Variants in ATP1B1 observed in about 807,000 individuals in gnomAD.
The protein encoded by ATP1B1 is sodium/potassium-transporting ATPase subunit beta-1.
In ATP1B1, 3 loss-of-function variants were observed where a neutral mutation model predicts 39.6. The observed-to-expected ratio is 0.08, with a 90% confidence interval of 0.03 to 0.20. The LOEUF is 0.20. ATP1B1 is among the 10% of genes least tolerant of loss of function. ATP1B1 has a pLI of 1.00. For missense variants in ATP1B1, 216 were observed against 371.1 expected (o/e 0.58, Z 3.43); for synonymous variants, 139 against 135.0 (o/e 1.03, Z -0.20).
rs548912849 is a variant in ATP1B1 at position 169,112,230 on chromosome 1, C to A, written c.226+732C>A. 3.3e-5 allele frequency among the ~76,000 whole-genome samples: 5 copies of A among 152,370 alleles called. 1 individual carries two copies. Among genetic ancestry groups the A allele is most frequent in the South Asian group, 2.1e-4 (1 of 4,834 alleles). Reference sequence around the variant, plus strand: ...TTATCATAAGAAATGCAAACTGCCACACGAGTCCCTGCTGTGACTTGGGTG... The same window carrying A: ...TTATCATAAGAAATGCAAACTGCCAAACGAGTCCCTGCTGTGACTTGGGTG... On this transcript the variant is annotated intron_variant, in intron 2 of 5. Transcript: ENST00000367815.
At position 169,125,017 on chromosome 1, in the gene ATP1B1, C is replaced by T. The variant is rs932264213; in HGVS notation, c.360C>T (p.Asp120=). 1 of 1,612,718 alleles carries T rather than the reference C, an allele frequency of 6.2e-7. No individual in the cohort carries two copies. The highest frequency in any genetic ancestry group is 1.7e-5 in the Admixed American group (1 of 59,610). The change falls in exon 3 of 6, where the codon GAC becomes GAT. Residue 120 remains aspartate, a synonymous_variant. Coordinates refer to ENST00000367815, the MANE Select transcript of ATP1B1 (RefSeq NM_001677.4). ...EKYKDSAQRD[D]MIFEDCGDVP... ...ACAAAGATTCAGCCCAGAGGGATGACATGATTTTTGAAGATTGTGGCGGTA... is the reference window on the plus strand; with the variant it reads ...ACAAAGATTCAGCCCAGAGGGATGATATGATTTTTGAAGATTGTGGCGGTA...
At chr1:169,123,995 T>TA (rs1491349258) in intron 2 of ATP1B1, among the ~76,000 whole-genome samples, 2 of 152,188 alleles carry the variant, frequency 1.3e-5, no homozygotes, top group Non-Finnish European at 2.9e-5. Context: ...TATATTTTTT[T>TA]AAAAAAATGT....
At chr1:169,130,165 T>G in intron 5 of ATP1B1, 75 bp downstream of exon 5, 1 of 1,261,396 alleles carries the variant, frequency 7.9e-7, no homozygotes, top group South Asian at 1.3e-5. Flanking sequence ...GAAGACTGTT[T>G]AAGTGACAGG....
intron 5 of ATP1B1, 54 bp downstream of exon 5, chr1:169,130,144 G>A (rs1658175386): frequency 6.8e-6 from 10 of 1,480,632 alleles, no homozygotes; most frequent in Non-Finnish European, 9.4e-6. Flanking sequence ...AGAGGAAGAG[G>A]GGAGAATGAA....
intron 2 of ATP1B1, 49 bp from the exon 3 acceptor site, chr1:169,124,835 G>A: frequency 1.3e-6 from 2 of 1,583,494 alleles, no homozygotes; most frequent in Non-Finnish European, 8.6e-7. Flanking sequence ...CTTTTGAATT[G>A]TCTTCGTTTC....
intron 4 of ATP1B1, among the ~76,000 whole-genome samples, chr1:169,129,182 G>A (rs1264972836): frequency 6.6e-6 from 1 of 152,160 alleles, no homozygotes; most frequent in Non-Finnish European, 1.5e-5. Flanking sequence ...CCTTCCTGAT[G>A]TGGAACTAAT....
rs1658244332 is a variant in ATP1B1, at chr1:169,132,130, T to TTTA, written c.*578_*580dup. 1.8e-6 allele frequency: 1 copy of TTTA among 558,640 alleles called. No individual in the cohort carries two copies. The highest frequency in any genetic ancestry group is 3.5e-6 in the Non-Finnish European group (1 of 287,244). The allele number at this position is 558,640 out of a possible 1,614,324, so 34.6% of individuals were successfully genotyped here. A position where few individuals can be genotyped will look rare whatever the true frequency, so the allele number is the denominator to read the frequency against. On this transcript the variant is annotated 3_prime_UTR_variant, in exon 6 of 6. Transcript: ENST00000367815. ...TTTCCTGTGGTGTTAGGTCTTTATTTTTATTTTTTTCCTGGGGGCTGGGGT... is the reference window on the plus strand; with the variant it reads ...TTTCCTGTGGTGTTAGGTCTTTATTTTTATTATTTTTTTCCTGGGGGCTGGGGT...
At chr1:169,110,232 T>G (rs1392332807) in intron 1 of ATP1B1, among the ~76,000 whole-genome samples, 1 of 152,154 alleles carries the variant, frequency 6.6e-6, no homozygotes, top group Non-Finnish European at 1.5e-5. Flanking sequence ...CCTGCAGTTG[T>G]GTACCCACTC....
chr1:169,131,860 G>T lies in ATP1B1; in HGVS notation c.*305G>T. The T allele has an allele frequency of 2.6e-6, 1 of 383,762 alleles. No individual in the cohort carries two copies. 23.8% of individuals were successfully genotyped at this position (383,762 alleles called of 1,614,324 possible). On this transcript the variant is annotated 3_prime_UTR_variant, in exon 6 of 6. Coordinates refer to ENST00000367815, the MANE Select transcript of ATP1B1 (RefSeq NM_001677.4). The surrounding 1 kb of genome is among the most constrained non-coding windows in gnomAD (Gnocchi z 4.4). ...AGTAAGCAGTGTTTCTGGCCCCTAA[G>T]TATTGCTGCCTTGTGTATTTTATTT... is the stretch of plus-strand genomic sequence containing the variant.
intron 2 of ATP1B1, among the ~76,000 whole-genome samples, chr1:169,122,796 G>T (rs181090038): frequency 8.1e-6 from 1 of 123,092 alleles, no homozygotes; most frequent in Non-Finnish European, 1.6e-5. Context: ...TTGCTAGGTT[G>T]CCTGGGCTGG....
chr1:169,124,801 T>C, intron 2 of ATP1B1, 83 bp from the exon 3 acceptor site: 1 of 1,481,296 alleles, frequency 6.8e-7, no homozygotes, highest in Non-Finnish European at 9.2e-7. Flanking sequence ...GTTAGCAAAG[T>C]ATGTTTTGTA....
At chr1:169,110,761 G>A in intron 1 of ATP1B1, 1 of 1,070,180 alleles carries the variant, frequency 9.3e-7, no homozygotes, top group South Asian at 1.4e-5. Flanking sequence ...GTCCTCCGAG[G>A]GGAAAGAGTG....
intron 2 of ATP1B1, among the ~76,000 whole-genome samples, chr1:169,118,667 G>A (rs1345653523): frequency 6.6e-6 from 1 of 152,166 alleles, no homozygotes; most frequent in Admixed American, 6.5e-5. Context: ...ATATGTGTGT[G>A]TTTATGTGTA....
At chr1:169,110,637 A>G in intron 1 of ATP1B1, 1 of 1,282,142 alleles carries the variant, frequency 7.8e-7, no homozygotes, top group South Asian at 1.3e-5. Context: ...AACTATGGGA[A>G]AAAGAAAATG....
At chr1:169,123,707 A>G (rs1056730014) in intron 2 of ATP1B1, among the ~76,000 whole-genome samples, 7 of 151,658 alleles carry the variant, frequency 4.6e-5, no homozygotes, top group Admixed American at 3.3e-4. Context: ...GCTCACTGCA[A>G]CCTCCGCCTC....
At chr1:169,124,715 T>G (rs1658052450) in intron 2 of ATP1B1, among the ~76,000 whole-genome samples, 169 bp from the exon 3 acceptor site, 1 of 152,228 alleles carries the variant, frequency 6.6e-6, no homozygotes, top group Admixed American at 6.5e-5. Flanking sequence ...TCACTGGTAC[T>G]TGGGGTTACC....
intron 2 of ATP1B1, among the ~76,000 whole-genome samples, chr1:169,121,815 T>TGCTC (rs1657985623): frequency 2.0e-5 from 3 of 152,212 alleles, no homozygotes; most frequent in African/African-American, 7.2e-5. Context: ...CAGGCTTGTT[T>TGCTC]ATATTTTGGC....
At chr1:169,107,246 C>T (rs1010924003) in intron 1 of ATP1B1, among the ~76,000 whole-genome samples, 2 of 152,126 alleles carry the variant, frequency 1.3e-5, no homozygotes, top group Admixed American at 6.5e-5. Context: ...AATAGTCAGG[C>T]TCTGCGAGAC....
intron 2 of ATP1B1, among the ~76,000 whole-genome samples, chr1:169,118,291 TA>T (rs1318837315): frequency 2.0e-5 from 3 of 152,194 alleles, no homozygotes; most frequent in Admixed American, 6.5e-5. Context: ...TGAGTGTTGG[TA>T]AACATCCAGA....
Sources: allele counts gnomAD v4.1 joint callset (sites outside exome capture counted in the v4.1 genomes callset), GRCh38; gene constraint gnomAD v4.1.1; non-coding constraint Gnocchi (gnomAD v3.1); transcripts MANE v1.5; gene names NCBI Gene and HGNC (gene_info 2026-07-23, HGNC 2026-07-21).